Variants in TESMIN observed in about 807,000 individuals in gnomAD.
The protein encoded by TESMIN is CXC domain containing 2.
TESMIN carries 34 observed loss-of-function variants against 47.4 expected under a neutral mutation model. That is an observed-to-expected ratio of 0.72 (90% CI 0.55 to 0.96). TESMIN has a LOEUF of 0.96. Among genes scored for constraint, TESMIN ranks in the 40% least tolerant of loss-of-function variants. The pLI is 0.00. For synonymous variants in TESMIN, 278 were observed against 258.9 expected, an observed-to-expected ratio of 1.07 and a Z score of -0.71; for missense variants, 610 against 637.2, an observed-to-expected ratio of 0.96 and a Z score of 0.46.
At chr11:68,730,333 A>C (rs978589419) in intron 6 of TESMIN, among the ~76,000 whole-genome samples, 1 of 152,220 alleles carries the variant, frequency 6.6e-6, no homozygotes, top group Non-Finnish European at 1.5e-5. Flanking sequence ...TGCCTATACC[A>C]AAATAGGCCT....
Position 68,741,217 on chromosome 11 carries a change from G to T in TESMIN, c.828+1101C>A, listed in dbSNP as rs546686244. On this transcript the variant is annotated intron_variant, in intron 5 of 9. Coordinates refer to ENST00000255087, the MANE Select transcript of TESMIN (RefSeq NM_004923.3). ...GAGTGGAAGCCATAATCCTCCCAGT[G>T]CCTTGACTTCCTCCCTGCCCTGCTC... 3.9e-5 allele frequency among the ~76,000 whole-genome samples: 6 copies of T among 152,080 alleles called. No individual in the cohort carries two copies. The East Asian group carries it at 1.2e-3, about 29-fold the overall frequency.
In TESMIN at chr11:68,734,061, C is replaced by T. The variant is rs540751007; in HGVS notation, c.917+4639G>A. 1.1e-4 allele frequency among the ~76,000 whole-genome samples: 16 copies of T among 152,282 alleles called. No individual in the cohort carries two copies. The East Asian group carries it at 1.5e-3, about 15-fold the overall frequency. The stretch of plus-strand genomic sequence containing the variant: ...TCTCCCCACTGAACAGCTCTTTCCC[C>T]GCCAAAATCTGAATGCTAATGGGAA... On this transcript the variant is annotated intron_variant, in intron 6 of 9. Transcript: ENST00000255087.
chr11:68,713,503 A>T, intron 7 of TESMIN, 96 bp from the exon 8 acceptor site: 1 of 1,395,876 alleles, frequency 7.2e-7, no homozygotes, highest in Non-Finnish European at 9.9e-7. Flanking sequence ...GTTGTAAAAG[A>T]TGCCACAATA....
chr11:68,730,343 T>C (rs1555223880), intron 6 of TESMIN, among the ~76,000 whole-genome samples: 2 of 152,262 alleles, frequency 1.3e-5, no homozygotes, highest in Non-Finnish European at 2.9e-5. Flanking sequence ...AAAATAGGCC[T>C]GTTATAAACG....
At position 68,750,289 on chromosome 11, in the gene TESMIN, G is replaced by T; in HGVS notation, c.372C>A (p.Phe124Leu). ...GGTGCGCGGGTAGCAGCGAGGACAG[G>T]AAGTGCACGTTGCAGGCGGGCGGCT... ...APQPPACNVH[F>L]LSSLLPAHRS... Residue 124 changes from phenylalanine (F) to leucine (L), a missense_variant, in exon 2 of 10, where the codon TTC becomes TTA. Phe to Leu is a conservative substitution (Grantham distance 22). Transcript: ENST00000255087. 2 of 1,551,532 alleles carry T rather than the reference G, an allele frequency of 1.3e-6. No individual in the cohort carries two copies. The highest frequency in any genetic ancestry group is 1.4e-5 in the African/African-American group (1 of 71,506).
Position 68,707,752 on chromosome 11 carries a change from G to T in TESMIN, c.*556C>A, listed in dbSNP as rs761700574. ...GCCTTAGGAAAGACTGACAGTTCGC[G>T]TGCCTCTGGGGAAATATCTACGCTA... On this transcript the variant is annotated 3_prime_UTR_variant, in exon 10 of 10. Transcript: ENST00000255087. 3 of 445,990 alleles carry T rather than the reference G, an allele frequency of 6.7e-6. No homozygotes were observed. The highest frequency in any genetic ancestry group is 7.0e-5 in the East Asian group (1 of 14,232). The allele number at this position is 445,990 out of a possible 1,614,324, so 27.6% of individuals were successfully genotyped here.
chr11:68,713,457 T>C, intron 7 of TESMIN, 50 bp from the exon 8 acceptor site: 1 of 1,601,064 alleles, frequency 6.2e-7, no homozygotes, highest in Non-Finnish European at 8.5e-7. Context: ...CATTTAAAAC[T>C]CAGCTCAATG....
chr11:68,736,926 G>A (rs968573434), intron 6 of TESMIN: 10 of 985,188 alleles, frequency 1.0e-5, no homozygotes, highest in African/African-American at 5.2e-5. Flanking sequence ...AATGCCCATC[G>A]GCTGCAACAC....
downstream of TESMIN, among the ~76,000 whole-genome samples, chr11:68,706,196 G>T (rs1396302942): frequency 6.6e-6 from 1 of 152,230 alleles, no homozygotes; most frequent in Non-Finnish European, 1.5e-5. Flanking sequence ...TCTCTGGTCA[G>T]CATAGTGGCT....
intron 5 of TESMIN, among the ~76,000 whole-genome samples, chr11:68,741,403 C>T (rs1248063089): frequency 6.6e-6 from 1 of 151,726 alleles, no homozygotes; most frequent in African/African-American, 2.4e-5. Context: ...CACAACGGAG[C>T]CATGATCACC....
rs1351639460 is a variant in TESMIN, at chr11:68,747,288, C to G, written c.550G>C (p.Glu184Gln). ...EATLQNLLAQ[E>Q]SCCKFPSSQE... ...GACGATGGGAACTTGCAACAGGATT[C>G]CTGAGCAAGAAGATTCTGCAAAGTT... Residue 184 changes from glutamate (E) to glutamine (Q), a missense_variant, in exon 3 of 10, where the codon GAA becomes CAA. Transcript: ENST00000255087. 3.7e-6 allele frequency: 6 copies of G among 1,613,944 alleles called. No homozygotes were observed. Among genetic ancestry groups the G allele is most frequent in the African/African-American group, 1.3e-5 (1 of 74,910 alleles).
chr11:68,738,455 C>A (rs766768155), intron 6 of TESMIN: 4 of 1,289,932 alleles, frequency 3.1e-6, no homozygotes, highest in Non-Finnish European at 3.0e-6. Context: ...CATAGGACAG[C>A]GGACAGGAGG....
Position 68,737,644 on chromosome 11 carries a change from G to A in TESMIN, c.917+1056C>T, listed in dbSNP as rs568140403. The A allele has an allele frequency of 1.8e-4, 176 of 985,796 alleles. No homozygotes were observed. The African/African-American group carries it at 2.6e-3, about 14-fold the overall frequency. 61.1% of individuals were successfully genotyped at this position (985,796 alleles called of 1,614,324 possible). On this transcript the variant is annotated intron_variant, in intron 6 of 9. Transcript: ENST00000255087. ...CCCAAAGAACTCCTGCAGGCAGGCC[G>A]GGCACGCCTGTAATCCCAGCACTTT...
chr11:68,727,177 A>G (rs1313391763), intron 6 of TESMIN, among the ~76,000 whole-genome samples: 1 of 152,234 alleles, frequency 6.6e-6, no homozygotes, highest in Admixed American at 6.5e-5. Flanking sequence ...GCAGTGGCTC[A>G]TGTCTGTAAT....
At chr11:68,743,445 C>T (rs1046240360) in intron 4 of TESMIN, among the ~76,000 whole-genome samples, 15 of 151,918 alleles carry the variant, frequency 9.9e-5, no homozygotes, top group African/African-American at 2.4e-4. Flanking sequence ...GACAGGGTTT[C>T]GCCATGGTAC....
At chr11:68,749,705 C>T (rs1222970463) in intron 2 of TESMIN, among the ~76,000 whole-genome samples, 1 of 152,058 alleles carries the variant, frequency 6.6e-6, no homozygotes, top group African/African-American at 2.4e-5. Context: ...CCGGAAAATC[C>T]AAGTATTAAC....
intron 6 of TESMIN, among the ~76,000 whole-genome samples, chr11:68,728,609 T>C (rs1946292157): frequency 6.6e-6 from 1 of 152,272 alleles, no homozygotes; most frequent in Non-Finnish European, 1.5e-5. Context: ...TAGAAGAAGA[T>C]GCCACCTAGA....
intron 6 of TESMIN, among the ~76,000 whole-genome samples, chr11:68,719,422 G>C (rs1946179302): frequency 6.6e-6 from 1 of 152,206 alleles, no homozygotes; most frequent in South Asian, 2.1e-4. Context: ...TCATGTCTGG[G>C]TGTGGGAAAT....
At chr11:68,727,994 T>G (rs7942697) in intron 6 of TESMIN, among the ~76,000 whole-genome samples, 106,972 of 152,012 alleles carry the variant, frequency 0.7, 38,213 homozygotes, top group East Asian at 0.86. Context: ...TGTTCTGACT[T>G]CTCCACCAAC....
Sources: gnomAD v4.1 joint callset for allele counts (sites outside exome capture counted in the v4.1 genomes callset) on GRCh38, gnomAD v4.1.1 for gene constraint, MANE v1.5 for transcripts, NCBI Gene and HGNC (gene_info 2026-07-23, HGNC 2026-07-21) for gene names.